THSD7A: variants seen among roughly 807,000 people sequenced by gnomAD.
THSD7A encodes thrombospondin type-1 domain-containing protein 7A.
A neutral mutation model predicts 231.3 loss-of-function variants in THSD7A; 96 were observed. The ratio of observed to expected loss-of-function variants is 0.41; its 90% CI spans 0.35 to 0.49. The LOEUF is 0.49. THSD7A is among the 20% of genes least tolerant of loss of function. The pLI is 0.05. For missense variants in THSD7A, 2,290 were observed against 2,070.2 expected (o/e 1.11, Z -2.06); for synonymous variants, 940 against 743.3 (o/e 1.26, Z -4.30).
chr7:11,481,147 G>A (rs1034353552), intron 7 of THSD7A, among the ~76,000 whole-genome samples: 2 of 152,106 alleles, frequency 1.3e-5, no homozygotes, highest in East Asian at 3.9e-4. Flanking sequence ...CAAGAGCCTT[G>A]TATTTCTTGG....
rs1179277365 is a variant in THSD7A at position 11,814,144 on chromosome 7, CT to C, written c.190+17612del. 6.6e-6 allele frequency among the ~76,000 whole-genome samples: 1 copy of C among 152,146 alleles called. No homozygotes were observed. The highest frequency in any genetic ancestry group is 1.5e-5 in the Non-Finnish European group (1 of 68,042). On this transcript the variant is annotated intron_variant, in intron 1 of 27. Transcript: ENST00000423059. This position sits in a 1 kb window ranked among gnomAD's most constrained non-coding sequence, Gnocchi z 5.1. ...ATTTGCCCGGGACCTGGGCTGATGG[CT>C]CAGGGATGCAGGATTTCTTCTTGGG...
intron 4 of THSD7A, among the ~76,000 whole-genome samples, chr7:11,554,647 T>G (rs1309998776): frequency 6.6e-6 from 1 of 152,066 alleles, no homozygotes; most frequent in Non-Finnish European, 1.5e-5. Flanking sequence ...GCATTTGGTC[T>G]TATATTTTAA....
In THSD7A at chr7:11,820,757, T is replaced by G. The variant is rs1223039708; in HGVS notation, c.190+11000A>C. On this transcript the variant is annotated intron_variant, in intron 1 of 27. Coordinates refer to ENST00000423059, the MANE Select transcript of THSD7A (RefSeq NM_015204.3). ...CTCTTCAGTGTACTCTTCTGCTTTG[T>G]AGGAGTGAGATGACCGGGAGGAAGA... 10 of 1,212,364 alleles carry G rather than the reference T, an allele frequency of 8.2e-6. 1 individual carries two copies. The South Asian group carries it at 1.2e-4, about 15-fold the overall frequency. 75.1% of individuals were successfully genotyped at this position (1,212,364 alleles called of 1,614,324 possible).
At chr7:11,740,904 G>C (rs992853053) in intron 1 of THSD7A, among the ~76,000 whole-genome samples, 1 of 151,930 alleles carries the variant, frequency 6.6e-6, no homozygotes, top group Non-Finnish European at 1.5e-5. Context: ...AATATTTGCA[G>C]TATTTGCTGA....
intron 6 of THSD7A, among the ~76,000 whole-genome samples, chr7:11,531,662 G>A (rs536297490): frequency 6.6e-6 from 1 of 152,270 alleles, no homozygotes; most frequent in African/African-American, 2.4e-5. Context: ...CAGGATTGAG[G>A]ATTGAATAAA....
intron 1 of THSD7A, among the ~76,000 whole-genome samples, chr7:11,685,260 C>A (rs1477875587): frequency 6.6e-6 from 1 of 151,712 alleles, no homozygotes; most frequent in African/African-American, 2.4e-5. Flanking sequence ...AGACCTCAAA[C>A]TATAAAAATC....
intron 1 of THSD7A, among the ~76,000 whole-genome samples, chr7:11,696,034 G>A (rs1780386270): frequency 6.6e-6 from 1 of 151,432 alleles, no homozygotes; most frequent in Non-Finnish European, 1.5e-5. Context: ...AGGAGTTTAG[G>A]AAGACTTCTA....
intron 26 of THSD7A, chr7:11,378,764 T>A (rs1285409907): frequency 1.6e-5 from 5 of 314,490 alleles, no homozygotes; most frequent in Non-Finnish European, 3.0e-5. Context: ...TTAAAATTCA[T>A]GTTTCTAACT....
chr7:11,615,714 C>G (rs1379960826), intron 2 of THSD7A, among the ~76,000 whole-genome samples: 4 of 152,066 alleles, frequency 2.6e-5, no homozygotes, highest in Non-Finnish European at 5.9e-5. Flanking sequence ...TTTTAATTGC[C>G]AATTTCCAAT....
At chr7:11,457,075 T>C (rs1403484794) in intron 11 of THSD7A, among the ~76,000 whole-genome samples, 1 of 152,070 alleles carries the variant, frequency 6.6e-6, no homozygotes, top group East Asian at 1.9e-4. Context: ...AATGATAAGG[T>C]ATAATCGCTT....
intron 4 of THSD7A, among the ~76,000 whole-genome samples, chr7:11,552,309 T>TA (rs1562711677): frequency 6.6e-6 from 1 of 151,812 alleles, no homozygotes; most frequent in Non-Finnish European, 1.5e-5. Flanking sequence ...TCCCTGAACT[T>TA]AAAAGTTAGA....
In THSD7A at chr7:11,636,166, A is replaced by G. The variant is rs766055485; in HGVS notation, c.986T>C (p.Met329Thr). The G allele has an allele frequency of 6.2e-7, 1 of 1,613,790 alleles. No individual in the cohort carries two copies. Among genetic ancestry groups the G allele is most frequent in the Non-Finnish European group, 8.5e-7 (1 of 1,179,832 alleles). ...AGCTTTCCCCGTCTTGTTAATGCAC[A>G]TAACCTCTCTGGTCTGATATCCAAT... ...IQIGYQTREV[M>T]CINKTGKAAD... Residue 329 changes from methionine (M) to threonine (T), a missense_variant, in exon 2 of 28, where the codon ATG becomes ACG. Physicochemically the swap from Met to Thr is moderately conservative, Grantham distance 81. Coordinates refer to ENST00000423059, the MANE Select transcript of THSD7A (RefSeq NM_015204.3). This position sits in a 1 kb window ranked among gnomAD's most constrained non-coding sequence, Gnocchi z 10.0.
intron 2 of THSD7A, among the ~76,000 whole-genome samples, chr7:11,598,089 T>A (rs983600495): frequency 1.3e-5 from 2 of 152,176 alleles, no homozygotes; most frequent in African/African-American, 4.8e-5. Context: ...AGGGAAATCT[T>A]ACCAGTGAGC....
intron 1 of THSD7A, among the ~76,000 whole-genome samples, chr7:11,769,370 C>G (rs1269947419): frequency 6.6e-6 from 1 of 151,116 alleles, no homozygotes; most frequent in Non-Finnish European, 1.5e-5. Flanking sequence ...ATATTTGTAA[C>G]CAAAGAATAG....
chr7:11,531,548 C>T (rs1472675958), intron 6 of THSD7A, among the ~76,000 whole-genome samples: 2 of 152,186 alleles, frequency 1.3e-5, no homozygotes, highest in Non-Finnish European at 2.9e-5. Flanking sequence ...ACCTCTGGGT[C>T]TTGCATTTAA....
intron 23 of THSD7A, among the ~76,000 whole-genome samples, chr7:11,394,827 C>T (rs80041659): frequency 0.038 from 5,760 of 152,132 alleles, 364 homozygotes; most frequent in African/African-American, 0.13. Context: ...ATTCATCGGT[C>T]GGCCAGGGTC....
chr7:11,481,755 G>A lies in THSD7A; in HGVS notation c.2017+33C>T, dbSNP rs780647124. 9.1e-6 allele frequency: 14 copies of A among 1,536,744 alleles called. No homozygotes were observed. In the African/African-American group the frequency reaches 1.2e-4, roughly 14 times the overall value. ...AAAGATGCACACTAACTTTTGAAAC[G>A]AACCTAGATGGCGTCTGAAGCTGGC... On this transcript the variant is annotated intron_variant, in intron 7 of 27. Transcript: ENST00000423059.
intron 1 of THSD7A, among the ~76,000 whole-genome samples, chr7:11,742,712 C>T (rs1303951556): frequency 2.0e-5 from 3 of 151,880 alleles, no homozygotes; most frequent in Admixed American, 1.3e-4. Context: ...AATAAGGATC[C>T]CTGCTGTTGC....
intron 9 of THSD7A, among the ~76,000 whole-genome samples, chr7:11,463,398 G>A (rs768858803): frequency 2.6e-5 from 4 of 151,984 alleles, no homozygotes; most frequent in African/African-American, 4.8e-5. Context: ...AAATTTCTGG[G>A]CCTATACCCA....
Sources: allele counts gnomAD v4.1 joint callset (sites outside exome capture counted in the v4.1 genomes callset), GRCh38; gene constraint gnomAD v4.1.1; non-coding constraint Gnocchi (gnomAD v3.1); transcripts MANE v1.5; gene names NCBI Gene and HGNC (gene_info 2026-07-23, HGNC 2026-07-21).